The following SULT6B1 variants were observed in gnomAD, a reference collection of about 807,000 sequenced individuals.
The protein encoded by SULT6B1 is sulfotransferase family 6B member 1, also known as sulfotransferase 6B1.
A neutral mutation model predicts 37.2 loss-of-function variants in SULT6B1; 44 were observed. That is an observed-to-expected ratio of 1.18 (90% CI 0.93 to 1.52). The LOEUF is 1.52. Ranked by LOEUF, SULT6B1 falls within the 40% of genes most tolerant of loss-of-function variation. The pLI is 0.00. For synonymous variants in SULT6B1, 140 were observed against 126.0 expected, an observed-to-expected ratio of 1.11 and a Z score of -0.74; for missense variants, 450 against 361.0, an observed-to-expected ratio of 1.25 and a Z score of -2.00.
intron 4 of SULT6B1, among the ~76,000 whole-genome samples, chr2:37,176,650 T>C (rs896095333): frequency 6.6e-6 from 1 of 152,168 alleles, no homozygotes; most frequent in Non-Finnish European, 1.5e-5. Context: ...GCAGTTTCTA[T>C]GTGTTTTATT....
Position 37,187,344 on chromosome 2 carries a change from GT to G in SULT6B1, c.312+10del, listed in dbSNP as rs779687139. 8.6e-6 allele frequency: 13 copies of G among 1,510,516 alleles called. No individual in the cohort carries two copies. The highest frequency in any genetic ancestry group is 5.2e-5 in the Admixed American group (3 of 57,820). The allele number at this position is 1,510,516 out of a possible 1,614,324, so 93.6% of individuals were successfully genotyped here. A position where few individuals can be genotyped will look rare whatever the true frequency, so the allele number is the denominator to read the frequency against. Reference sequence around the variant, plus strand: ...TAATTTGCTGTAAGGTTAAAGGCTGGTTGTACTAACCTGATATTTTTCTGAA... The same window carrying G: ...TAATTTGCTGTAAGGTTAAAGGCTGGTGTACTAACCTGATATTTTTCTGAA... On this transcript the variant is annotated intron_variant, in intron 2 of 6. Transcript: ENST00000535679.
chr2:37,181,261 C>A (rs191581754), intron 3 of SULT6B1, among the ~76,000 whole-genome samples: 22 of 152,314 alleles, frequency 1.4e-4, no homozygotes, highest in African/African-American at 5.3e-4. Context: ...AACTACCACT[C>A]AGTTGCCCTG....
At chr2:37,172,356 C>G (rs1192338868) in intron 5 of SULT6B1, among the ~76,000 whole-genome samples, 1 of 152,184 alleles carries the variant, frequency 6.6e-6, no homozygotes, top group Non-Finnish European at 1.5e-5. Context: ...TTTGAATAAC[C>G]TCCTCCCAAA....
intron 1 of SULT6B1, among the ~76,000 whole-genome samples, chr2:37,195,615 A>G (rs1232117293): frequency 6.6e-6 from 1 of 152,084 alleles, no homozygotes; most frequent in Non-Finnish European, 1.5e-5. Flanking sequence ...TGTGGTAAAT[A>G]CCCCTAACTA....
chr2:37,193,573 A>AG (rs1676825160), upstream of SULT6B1, among the ~76,000 whole-genome samples: 1 of 129,656 alleles, frequency 7.7e-6, no homozygotes, highest in Non-Finnish European at 1.7e-5. Context: ...ACCAAAAAAA[A>AG]AAGAAGAAAA....
chr2:37,169,871 G>A (rs147451950), intron 6 of SULT6B1, among the ~76,000 whole-genome samples: 45 of 152,248 alleles, frequency 3.0e-4, no homozygotes, highest in African/African-American at 7.5e-4. Flanking sequence ...GCTGTTAGCT[G>A]TTGTTGTCCT....
Position 37,187,364 on chromosome 2 carries a change from T to A in SULT6B1, c.303A>T (p.Glu101Asp). The change falls in exon 2 of 7, where the codon GAA becomes GAT. Residue 101 changes from glutamate to aspartate, a missense_variant. Coordinates refer to ENST00000535679, the MANE Select transcript of SULT6B1 (RefSeq NM_001367551.1). ...GGCTGGTTGTACTAACCTGATATTTTTCTGAATCCCCACATTCAAGAACTG... is the reference window on the plus strand; with the variant it reads ...GGCTGGTTGTACTAACCTGATATTTATCTGAATCCCCACATTCAAGAACTG... Reference protein sequence around the residue: ...EFPVLECGDSEKYQRMKGFPS... With the variant: ...EFPVLECGDSDKYQRMKGFPS... 6.3e-7 allele frequency: 1 copy of A among 1,591,804 alleles called. No homozygotes were observed. Among genetic ancestry groups the A allele is most frequent in the Non-Finnish European group, 8.6e-7 (1 of 1,161,526 alleles).
chr2:37,179,240 G>A (rs891040308), intron 4 of SULT6B1, among the ~76,000 whole-genome samples: 2 of 152,214 alleles, frequency 1.3e-5, no homozygotes, highest in African/African-American at 4.8e-5. Context: ...TTACAGGCGT[G>A]AGCCACCACA....
At chr2:37,194,557 A>G (rs1676853537) in intron 1 of SULT6B1, 2 of 385,410 alleles carry the variant, frequency 5.2e-6, no homozygotes, top group Non-Finnish European at 1.0e-5. Context: ...CAATGCACAC[A>G]TCTGGAGTTC....
intron 6 of SULT6B1, among the ~76,000 whole-genome samples, chr2:37,170,398 C>T (rs1454845436): frequency 1.3e-5 from 2 of 151,998 alleles, no homozygotes; most frequent in South Asian, 2.1e-4. Flanking sequence ...ACCTGTGAGG[C>T]GGAGGTTGCC....
chr2:37,170,734 T>C (rs1314742380), intron 6 of SULT6B1, among the ~76,000 whole-genome samples: 2 of 73,280 alleles, frequency 2.7e-5, no homozygotes, highest in East Asian at 7.2e-4. Flanking sequence ...CAAGATTCTG[T>C]CTCAAAAAAA....
chr2:37,191,685 G>A (rs1036114856), upstream of SULT6B1, among the ~76,000 whole-genome samples: 5 of 152,206 alleles, frequency 3.3e-5, no homozygotes, highest in African/African-American at 4.8e-5. Flanking sequence ...ATCAAACAGC[G>A]TGGTCTGCCA....
intron 2 of SULT6B1, 105 bp from the exon 3 acceptor site, chr2:37,183,619 A>G (rs1054351687): frequency 1.3e-6 from 1 of 783,906 alleles, no homozygotes; most frequent in African/African-American, 1.7e-5. Context: ...TTCTAGCACT[A>G]CTGTCACTAT....
At chr2:37,171,838 G>A (rs1334395195) in intron 5 of SULT6B1, among the ~76,000 whole-genome samples, 1 of 151,764 alleles carries the variant, frequency 6.6e-6, no homozygotes, top group Admixed American at 6.6e-5. Flanking sequence ...ATAGTTTTTA[G>A]CATGTAAATA....
At chr2:37,181,844 T>G (rs1676557849) in intron 3 of SULT6B1, among the ~76,000 whole-genome samples, 1 of 152,228 alleles carries the variant, frequency 6.6e-6, no homozygotes, top group Non-Finnish European at 1.5e-5. Context: ...AATTACGTGT[T>G]AAAATGGTAT....
intron 5 of SULT6B1, among the ~76,000 whole-genome samples, chr2:37,173,442 A>G (rs973916513): frequency 2.6e-5 from 4 of 152,124 alleles, no homozygotes; most frequent in Admixed American, 1.3e-4. Flanking sequence ...GTGATGCCCA[A>G]ATTTTATCTA....
chr2:37,169,349 T>G (rs961442416), intron 6 of SULT6B1, among the ~76,000 whole-genome samples: 1 of 152,220 alleles, frequency 6.6e-6, no homozygotes, highest in African/African-American at 2.4e-5. Context: ...AGTAGAGTCA[T>G]GTCTAGGCTC....
chr2:37,183,705 G>A (rs182096922), intron 2 of SULT6B1, among the ~76,000 whole-genome samples, 191 bp from the exon 3 acceptor site: 4 of 152,174 alleles, frequency 2.6e-5, no homozygotes, highest in South Asian at 2.1e-4. Context: ...GTGTTGTGGC[G>A]CGATCTCAGC....
chr2:37,183,720 C>T (rs113386672), intron 2 of SULT6B1, among the ~76,000 whole-genome samples: 3,538 of 152,192 alleles, frequency 0.023, 65 homozygotes, highest in Middle Eastern at 0.054. Context: ...CTCAGCTCAC[C>T]GCAACCTCTG....
Sources: gnomAD v4.1 joint callset for allele counts (sites outside exome capture counted in the v4.1 genomes callset) on GRCh38, gnomAD v4.1.1 for gene constraint, MANE v1.5 for transcripts, NCBI Gene and HGNC (gene_info 2026-07-23, HGNC 2026-07-21) for gene names.